TAFA1: variants seen among roughly 807,000 people sequenced by gnomAD.
The protein encoded by TAFA1 is TAFA chemokine like family member 1.
In TAFA1, 4 loss-of-function variants were observed where a neutral mutation model predicts 18.5. The ratio of observed to expected loss-of-function variants is 0.22; its 90% CI spans 0.11 to 0.49. The LOEUF is 0.49. TAFA1 is among the 20% of genes least tolerant of loss of function. The pLI is 0.98. For missense variants in TAFA1, 147 were observed against 169.0 expected, an observed-to-expected ratio of 0.87 and a Z score of 0.72; for synonymous variants, 56 against 55.2, an observed-to-expected ratio of 1.01 and a Z score of -0.06.
intron 2 of TAFA1, among the ~76,000 whole-genome samples, chr3:68,080,477 C>T (rs1380863209): frequency 6.6e-6 from 1 of 151,996 alleles, no homozygotes; most frequent in African/African-American, 2.4e-5. Flanking sequence ...ATGTTTAGCG[C>T]TTCCTTCAGG....
At chr3:68,435,436 C>T (rs2106849194) in intron 3 of TAFA1, among the ~76,000 whole-genome samples, 1 of 152,204 alleles carries the variant, frequency 6.6e-6, no homozygotes, top group African/African-American at 2.4e-5. Context: ...GGTTTTGTGT[C>T]AATGAATGTT....
At chr3:68,048,608 A>G (rs146832849) in intron 2 of TAFA1, among the ~76,000 whole-genome samples, 1 of 151,960 alleles carries the variant, frequency 6.6e-6, no homozygotes, top group Non-Finnish European at 1.5e-5. Flanking sequence ...TTCTCCCCCT[A>G]CTAGCCTTCC....
chr3:68,120,161 CTCTTTCTTTCTCTT>C (rs2065371775), intron 2 of TAFA1, among the ~76,000 whole-genome samples: 12 of 141,974 alleles, frequency 8.5e-5, no homozygotes, highest in Non-Finnish European at 7.6e-5. Context: ...TTCTTTCTTT[CTCTTTCTTTCTCTT>C]TCTTTCTTTC....
At chr3:68,410,658 T>A (rs979891717) in intron 2 of TAFA1, among the ~76,000 whole-genome samples, 2 of 117,908 alleles carry the variant, frequency 1.7e-5, no homozygotes, top group South Asian at 2.7e-4. Context: ...GTTTTTTAGA[T>A]CTACAGATCC....
chr3:68,127,739 T>G (rs1452193156), intron 2 of TAFA1, among the ~76,000 whole-genome samples: 4 of 133,198 alleles, frequency 3.0e-5, no homozygotes, highest in Non-Finnish European at 4.7e-5. Flanking sequence ...GTGGCGGTGG[T>G]GATGATGGTA....
At chr3:68,035,359 T>C (rs1329174093) in intron 2 of TAFA1, among the ~76,000 whole-genome samples, 1 of 152,176 alleles carries the variant, frequency 6.6e-6, no homozygotes, top group Middle Eastern at 3.2e-3. Context: ...CCTCATACTT[T>C]TCCTTAGGTT....
upstream of TAFA1, among the ~76,000 whole-genome samples, chr3:68,001,577 TTG>T (rs201618371): frequency 3.8e-3 from 567 of 149,236 alleles, 4 homozygotes; most frequent in African/African-American, 0.013. Context: ...TTTGTTGTTG[TTG>T]TTTTTTTTTT....
At chr3:68,173,498 C>T (rs2066084691) in intron 2 of TAFA1, among the ~76,000 whole-genome samples, 1 of 152,090 alleles carries the variant, frequency 6.6e-6, no homozygotes. Flanking sequence ...GATACAGCCA[C>T]ACATACACGA....
At position 68,027,804 on chromosome 3, in the gene TAFA1, G is replaced by A. The variant is rs113795029; in HGVS notation, c.118+21060G>A. Reference sequence around the variant, plus strand: ...TATTAACTAGTGTTCTCAGCTTAATGTTTTTGAATGAATAAAGAAACCTAC... The same window carrying A: ...TATTAACTAGTGTTCTCAGCTTAATATTTTTGAATGAATAAAGAAACCTAC... On this transcript the variant is annotated intron_variant, in intron 2 of 4. Coordinates refer to ENST00000478136, the MANE Select transcript of TAFA1 (RefSeq NM_213609.4). Among the ~76,000 whole-genome samples the A allele has an allele frequency of 8.1e-3, 1,230 of 152,256 alleles. 17 individuals are homozygous for A. Among genetic ancestry groups the A allele is most frequent in the African/African-American group, 0.028 (1,143 of 41,556 alleles).
chr3:68,457,225 T>C (rs1325301267), intron 3 of TAFA1, among the ~76,000 whole-genome samples: 2 of 152,216 alleles, frequency 1.3e-5, no homozygotes, highest in Non-Finnish European at 2.9e-5. Context: ...TGCATGTTTA[T>C]CTTGGTTTAT....
At chr3:68,354,363 C>T (rs2069325718) in intron 2 of TAFA1, among the ~76,000 whole-genome samples, 1 of 151,962 alleles carries the variant, frequency 6.6e-6, no homozygotes, top group Non-Finnish European at 1.5e-5. Flanking sequence ...CCCTGTGTTT[C>T]CATCTAGCAG....
At chr3:68,250,774 G>GTTGT (rs1222270619) in intron 2 of TAFA1, 77 of 149,776 alleles carry the variant, frequency 5.1e-4, no homozygotes, top group African/African-American at 1.8e-3. Context: ...TTAGTCATTT[G>GTTGT]TTGTTTTTTT....
intron 3 of TAFA1, among the ~76,000 whole-genome samples, chr3:68,446,414 A>G (rs974616050): frequency 9.9e-5 from 15 of 152,176 alleles, no homozygotes; most frequent in Non-Finnish European, 7.4e-5. Flanking sequence ...GGAAGAAGAC[A>G]GCAAGAGTCC....
chr3:68,254,558 T>C (rs2067261962), intron 2 of TAFA1, among the ~76,000 whole-genome samples: 1 of 152,082 alleles, frequency 6.6e-6, no homozygotes, highest in African/African-American at 2.4e-5. Flanking sequence ...TGAGGTCACT[T>C]TCTAAATAAT....
chr3:68,522,426 A>G (rs1053350025), intron 3 of TAFA1, among the ~76,000 whole-genome samples: 1 of 152,174 alleles, frequency 6.6e-6, no homozygotes, highest in Non-Finnish European at 1.5e-5. Context: ...TGATAGGGAA[A>G]GGTTCGGGGA....
chr3:68,361,142 G>C (rs1412416463), intron 2 of TAFA1, among the ~76,000 whole-genome samples: 1 of 151,500 alleles, frequency 6.6e-6, no homozygotes, highest in East Asian at 2.0e-4. Context: ...ACGAAGTGTT[G>C]AGCAAGAAAA....
intron 3 of TAFA1, among the ~76,000 whole-genome samples, chr3:68,500,050 G>T (rs992750517): frequency 6.6e-6 from 1 of 151,938 alleles, no homozygotes; most frequent in East Asian, 1.9e-4. Flanking sequence ...CCCATCTTTT[G>T]GTTGTGCCTT....
intron 2 of TAFA1, among the ~76,000 whole-genome samples, chr3:68,158,486 C>A (rs1270100547): frequency 6.6e-6 from 1 of 151,582 alleles, no homozygotes; most frequent in Non-Finnish European, 1.5e-5. Flanking sequence ...ATACTAGATA[C>A]ATTGTGGCCA....
At chr3:68,174,454 A>G (rs2066098587) in intron 2 of TAFA1, among the ~76,000 whole-genome samples, 1 of 152,110 alleles carries the variant, frequency 6.6e-6, no homozygotes, top group Admixed American at 6.6e-5. Flanking sequence ...AGTGACATGA[A>G]CAATAAGGTC....
Sources: allele counts gnomAD v4.1 joint callset (sites outside exome capture counted in the v4.1 genomes callset), GRCh38; gene constraint gnomAD v4.1.1; transcripts MANE v1.5; gene names NCBI Gene and HGNC (gene_info 2026-07-23, HGNC 2026-07-21).